EPHA6: variants seen among roughly 807,000 people sequenced by gnomAD.
The protein encoded by EPHA6 is EPH receptor A6.
A neutral mutation model predicts 112.0 loss-of-function variants in EPHA6; 50 were observed. That is an observed-to-expected ratio of 0.45 (90% CI 0.36 to 0.56). EPHA6 has a LOEUF of 0.56. Among genes scored for constraint, EPHA6 ranks in the 20% least tolerant of loss-of-function variants. The probability of loss-of-function intolerance (pLI) is 0.00; values close to 1 mark genes in which losing one functional copy is unlikely to be tolerated. For missense variants in EPHA6, 1,280 were observed against 1,417.4 expected (o/e 0.90, Z 1.56); for synonymous variants, 529 against 490.7 (o/e 1.08, Z -1.03).
chr3:97,207,025 A>C (rs2108507291), intron 3 of EPHA6, among the ~76,000 whole-genome samples: 1 of 152,254 alleles, frequency 6.6e-6, no homozygotes, highest in African/African-American at 2.4e-5. Flanking sequence ...TTGAGACAAA[A>C]GTACTAAAAT....
At chr3:97,306,823 C>A (rs2081340075) in intron 5 of EPHA6, among the ~76,000 whole-genome samples, 4 of 151,508 alleles carry the variant, frequency 2.6e-5, no homozygotes, top group African/African-American at 9.7e-5. Context: ...TACGGCCTAC[C>A]AGTTATGTAA....
At chr3:96,983,367 G>A in intron 2 of EPHA6, among the ~76,000 whole-genome samples, 1 of 152,186 alleles carries the variant, frequency 6.6e-6, no homozygotes, top group Non-Finnish European at 1.5e-5. Context: ...CTTTTAGAAT[G>A]TTGAATATTG....
rs576675549 is a variant in EPHA6, at chr3:97,170,731, T to C, written c.1115-55533T>C. 2.0e-5 allele frequency among the ~76,000 whole-genome samples: 3 copies of C among 147,628 alleles called. No individual in the cohort carries two copies. In the East Asian group the frequency reaches 5.9e-4, roughly 29 times the overall value. On this transcript the variant is annotated intron_variant, in intron 3 of 17. Transcript: ENST00000389672. ...CCACCTGGGCGACAGAGCGAGCCGA[T>C]GTCTCAAAAAAGAAAAAGAAAAGAA...
At chr3:97,496,222 G>A in intron 10 of EPHA6, among the ~76,000 whole-genome samples, 1 of 152,062 alleles carries the variant, frequency 6.6e-6, no homozygotes, top group East Asian at 1.9e-4. Context: ...GGAAAGCTCT[G>A]ATATTCTCTT....
intron 5 of EPHA6, among the ~76,000 whole-genome samples, chr3:97,299,301 T>C (rs1250758146): frequency 6.6e-6 from 1 of 151,898 alleles, no homozygotes; most frequent in East Asian, 1.9e-4. Context: ...GTAAGGAATA[T>C]ATGGCCATAT....
intron 11 of EPHA6, among the ~76,000 whole-genome samples, chr3:97,569,293 A>G (rs965245739): frequency 6.6e-6 from 1 of 152,232 alleles, no homozygotes; most frequent in Non-Finnish European, 1.5e-5. Context: ...ATAAAAGCCT[A>G]TTAAATTAAT....
intron 5 of EPHA6, among the ~76,000 whole-genome samples, chr3:97,248,674 G>A (rs2079048860): frequency 1.3e-5 from 2 of 152,074 alleles, no homozygotes; most frequent in Admixed American, 1.3e-4. Flanking sequence ...CTGCCCTTAA[G>A]TGACCATTCT....
chr3:97,665,218 A>G (rs1394263863), intron 14 of EPHA6, among the ~76,000 whole-genome samples: 2 of 152,232 alleles, frequency 1.3e-5, no homozygotes, highest in Non-Finnish European at 2.9e-5. Context: ...AGAAATGGGG[A>G]AAGGATTCCC....
chr3:96,941,132 C>T (rs956479667), intron 2 of EPHA6, among the ~76,000 whole-genome samples: 2 of 152,134 alleles, frequency 1.3e-5, no homozygotes, highest in African/African-American at 4.8e-5. Context: ...TTTCCTGAAT[C>T]TAAATGTTGG....
intron 3 of EPHA6, among the ~76,000 whole-genome samples, chr3:97,107,484 T>A (rs2108274150): frequency 6.6e-6 from 1 of 152,298 alleles, no homozygotes; most frequent in Admixed American, 6.5e-5. Flanking sequence ...AGTCTGTACT[T>A]ATCTACTTTT....
chr3:97,564,228 TATA>T (rs2093230534), intron 11 of EPHA6, among the ~76,000 whole-genome samples: 2 of 152,150 alleles, frequency 1.3e-5, no homozygotes, highest in Admixed American at 1.3e-4. Flanking sequence ...TATTTATTAT[TATA>T]ATAATTCTCA....
At chr3:97,543,728 C>T (rs919634003) in intron 11 of EPHA6, among the ~76,000 whole-genome samples, 7 of 151,940 alleles carry the variant, frequency 4.6e-5, no homozygotes, top group Non-Finnish European at 7.4e-5. Flanking sequence ...TACCCATGAG[C>T]ATGGAATGTT....
chr3:96,948,295 T>C (rs2041374070), intron 2 of EPHA6, among the ~76,000 whole-genome samples: 1 of 152,206 alleles, frequency 6.6e-6, no homozygotes. Context: ...GGAAAATTTC[T>C]ATCATTTCTT....
At chr3:97,296,929 G>C (rs550063495) in intron 5 of EPHA6, among the ~76,000 whole-genome samples, 35 of 152,302 alleles carry the variant, frequency 2.3e-4, no homozygotes, top group African/African-American at 8.4e-4. Context: ...TGGGGCTCCA[G>C]GAATATGGAA....
chr3:97,381,407 G>C lies in EPHA6; in HGVS notation c.1607-23743G>C, dbSNP rs556633615. On this transcript the variant is annotated intron_variant, in intron 5 of 17. Coordinates refer to ENST00000389672, the MANE Select transcript of EPHA6 (RefSeq NM_001080448.3). The stretch of plus-strand genomic sequence containing the variant: ...ACACTATTAGTATTTCCAGTTTATA[G>C]ATGAGAAAATTAGGCATAGAAAAAA... Among the ~76,000 whole-genome samples, 133 of 152,122 alleles carry C rather than the reference G, an allele frequency of 8.7e-4. 1 individual carries two copies. Among genetic ancestry groups the C allele is most frequent in the African/African-American group, 3.0e-3 (125 of 41,542 alleles).
At chr3:97,599,145 C>T (rs1481567884) in intron 12 of EPHA6, among the ~76,000 whole-genome samples, 9 of 151,940 alleles carry the variant, frequency 5.9e-5, no homozygotes, top group African/African-American at 1.9e-4. Context: ...TGTTTGAGTT[C>T]ATTGTAGATT....
intron 11 of EPHA6, among the ~76,000 whole-genome samples, chr3:97,558,508 G>A (rs2093145346): frequency 6.6e-6 from 1 of 151,968 alleles, no homozygotes; most frequent in Non-Finnish European, 1.5e-5. Flanking sequence ...TGCTATGAGT[G>A]TTTTGTCTTT....
chr3:96,947,312 A>G (rs553859593), intron 2 of EPHA6, among the ~76,000 whole-genome samples: 1 of 152,108 alleles, frequency 6.6e-6, no homozygotes, highest in African/African-American at 2.4e-5. Flanking sequence ...TTATGGTTTT[A>G]GGTCTAACAT....
chr3:97,407,864 G>A (rs184741338), intron 6 of EPHA6, among the ~76,000 whole-genome samples: 6 of 151,900 alleles, frequency 3.9e-5, no homozygotes, highest in East Asian at 3.9e-4. Context: ...GTCCAAACCC[G>A]CTTCTATTCA....
Sources: gnomAD v4.1 joint callset for allele counts (sites outside exome capture counted in the v4.1 genomes callset) on GRCh38, gnomAD v4.1.1 for gene constraint, MANE v1.5 for transcripts, NCBI Gene and HGNC (gene_info 2026-07-23, HGNC 2026-07-21) for gene names.